The following SOX6 variants were observed in gnomAD, a reference collection of about 807,000 sequenced individuals.
The protein encoded by SOX6 is transcription factor SOX-6.
Under a neutral mutation model 97.8 loss-of-function variants are expected in SOX6, and 11 were observed. That is an observed-to-expected ratio of 0.11 (90% CI 0.07 to 0.19). The LOEUF (loss-of-function observed/expected upper bound fraction) is 0.19. Ranked by LOEUF, SOX6 falls within the 10% of genes least tolerant of loss-of-function variation. The pLI, the probability that SOX6 is intolerant of heterozygous loss-of-function variation, is 1.00. For missense variants in SOX6, 810 were observed against 1,039.5 expected (o/e 0.78, Z 3.04); for synonymous variants, 360 against 371.4 (o/e 0.97, Z 0.35).
chr11:16,540,468 C>A (rs939079851), intron 4 of SOX6, among the ~76,000 whole-genome samples: 11 of 151,978 alleles, frequency 7.2e-5, no homozygotes, highest in Non-Finnish European at 2.9e-5. Flanking sequence ...AAGTTCTGGC[C>A]AGGGCAATCA....
chr11:16,187,896 G>A (rs1851526200), intron 4 of SOX6, among the ~76,000 whole-genome samples: 1 of 152,084 alleles, frequency 6.6e-6, no homozygotes, highest in Non-Finnish European at 1.5e-5. Context: ...ATTTCATTAT[G>A]AAGAAATGAT....
intron 6 of SOX6, among the ~76,000 whole-genome samples, chr11:16,146,895 A>G (rs1210317243): frequency 2.2e-4 from 34 of 152,186 alleles, no homozygotes; most frequent in Admixed American, 2.2e-3. Flanking sequence ...AAGCTTTTAC[A>G]CTGTTGGTGG....
At chr11:16,091,879 TAGTC>T (rs1848698132) in intron 9 of SOX6, among the ~76,000 whole-genome samples, 1 of 152,090 alleles carries the variant, frequency 6.6e-6, no homozygotes, top group African/African-American at 2.4e-5. Flanking sequence ...TTATAAGAAA[TAGTC>T]TGTTAAAATA....
chr11:16,190,959 G>A (rs1198086835), intron 4 of SOX6, among the ~76,000 whole-genome samples: 2 of 152,026 alleles, frequency 1.3e-5, no homozygotes, highest in Non-Finnish European at 2.9e-5. Context: ...AAATCACACT[G>A]ACCATCCAAC....
intron 1 of SOX6, among the ~76,000 whole-genome samples, chr11:16,389,489 G>GT (rs1004828340): frequency 2.0e-5 from 3 of 151,590 alleles, no homozygotes; most frequent in East Asian, 1.9e-4. Context: ...TTCAGATATC[G>GT]TTTTTTTAAG....
intron 1 of SOX6, among the ~76,000 whole-genome samples, chr11:16,467,895 TTA>T (rs2133112787): frequency 6.6e-6 from 1 of 152,354 alleles, no homozygotes; most frequent in East Asian, 1.9e-4. Flanking sequence ...CTTCACTTCT[TTA>T]TATGTGAGAC....
At chr11:16,639,866 T>C (rs979787032) in intron 3 of SOX6, among the ~76,000 whole-genome samples, 2 of 152,164 alleles carry the variant, frequency 1.3e-5, no homozygotes, top group African/African-American at 4.8e-5. Flanking sequence ...CAGGGACAAT[T>C]TGACTTCCTC....
At chr11:16,243,197 T>C (rs564934741) in intron 3 of SOX6, among the ~76,000 whole-genome samples, 1 of 152,168 alleles carries the variant, frequency 6.6e-6, no homozygotes, top group East Asian at 1.9e-4. Context: ...AGGCACTGTA[T>C]TTTTTATATT....
At chr11:16,022,219 A>G (rs1855079155) in intron 12 of SOX6, among the ~76,000 whole-genome samples, 1 of 152,144 alleles carries the variant, frequency 6.6e-6, no homozygotes, top group South Asian at 2.1e-4. Flanking sequence ...CTCAAAGCTA[A>G]ACTACGATGA....
chr11:16,160,487 T>C (rs1004804335), intron 6 of SOX6, among the ~76,000 whole-genome samples: 2 of 152,194 alleles, frequency 1.3e-5, no homozygotes, highest in African/African-American at 4.8e-5. Flanking sequence ...TATACCATAA[T>C]GACTTATCTT....
chr11:16,541,301 C>A (rs1001382930), intron 4 of SOX6, among the ~76,000 whole-genome samples: 5 of 152,148 alleles, frequency 3.3e-5, no homozygotes, highest in African/African-American at 1.2e-4. Context: ...ACCTTCCTTA[C>A]ACCTTATACA....
At chr11:16,581,137 G>A (rs903464891) in intron 4 of SOX6, among the ~76,000 whole-genome samples, 14 of 151,932 alleles carry the variant, frequency 9.2e-5, no homozygotes, top group Admixed American at 5.9e-4. Flanking sequence ...TTATAAAAAC[G>A]TATGCACACT....
intron 3 of SOX6, among the ~76,000 whole-genome samples, chr11:16,705,633 G>GA (rs147138738): frequency 4.0e-5 from 6 of 151,390 alleles, no homozygotes; most frequent in South Asian, 4.2e-4. Context: ...CCTCTAGGGG[G>GA]AAAAAAAACT....
intron 4 of SOX6, among the ~76,000 whole-genome samples, chr11:16,526,980 T>C (rs755533271): frequency 9.9e-5 from 15 of 152,142 alleles, no homozygotes; most frequent in East Asian, 3.9e-4. Context: ...ATATAATAGA[T>C]AGAAACACTT....
rs551744750 is a variant in SOX6 at position 16,111,603 on chromosome 11, A to T, written c.898+200T>A. On this transcript the variant is annotated intron_variant, in intron 7 of 15. Coordinates refer to ENST00000683767, the MANE Select transcript of SOX6 (RefSeq NM_001367873.1). Reference sequence around the variant, plus strand: ...AATTCAAGACAAACTCAAGTGGAAGAAGAGAAAGTAAAAGTTTTTAGCAAC... The same window carrying T: ...AATTCAAGACAAACTCAAGTGGAAGTAGAGAAAGTAAAAGTTTTTAGCAAC... 3.3e-5 allele frequency among the ~76,000 whole-genome samples: 5 copies of T among 152,342 alleles called. No individual in the cohort carries two copies. In the South Asian group the frequency reaches 1.0e-3, roughly 32 times the overall value.
At chr11:16,429,790 G>A (rs537790081) in intron 1 of SOX6, among the ~76,000 whole-genome samples, 66 of 152,122 alleles carry the variant, frequency 4.3e-4, no homozygotes, top group African/African-American at 1.5e-3. Context: ...ACAAGCTTAC[G>A]TATGTAACAA....
intron 1 of SOX6, among the ~76,000 whole-genome samples, chr11:16,454,170 C>T (rs1379255431): frequency 1.3e-5 from 2 of 152,052 alleles, no homozygotes; most frequent in African/African-American, 2.4e-5. Flanking sequence ...ACATAACTCA[C>T]GTACCAGGAG....
upstream of SOX6, among the ~76,000 whole-genome samples, chr11:16,476,675 T>G (rs1292905291): frequency 6.6e-6 from 1 of 152,130 alleles, no homozygotes; most frequent in Admixed American, 6.5e-5. Context: ...GGGAAAAAAT[T>G]TTTAAGAGAA....
At chr11:16,626,722 G>A (rs1590018569) in intron 3 of SOX6, among the ~76,000 whole-genome samples, 1 of 152,076 alleles carries the variant, frequency 6.6e-6, no homozygotes, top group African/African-American at 2.4e-5. Flanking sequence ...TCTCAGCAAT[G>A]TTCTGTATAT....
Sources: allele counts gnomAD v4.1 joint callset (sites outside exome capture counted in the v4.1 genomes callset), GRCh38; gene constraint gnomAD v4.1.1; transcripts MANE v1.5; gene names NCBI Gene and HGNC (gene_info 2026-07-23, HGNC 2026-07-21).